The following GRM7 variants were observed in gnomAD, a reference collection of about 807,000 sequenced individuals.
GRM7 encodes the protein metabotropic glutamate receptor 7.
Under a neutral mutation model 84.5 loss-of-function variants are expected in GRM7, and 35 were observed. That is an observed-to-expected ratio of 0.41 (90% CI 0.32 to 0.55). GRM7 has a LOEUF of 0.55. Among genes scored for constraint, GRM7 ranks in the 20% least tolerant of loss-of-function variants. GRM7 has a pLI of 0.19. For missense variants in GRM7, 1,003 were observed against 1,194.6 expected, an observed-to-expected ratio of 0.84 and a Z score of 2.36; for synonymous variants, 487 against 455.1, an observed-to-expected ratio of 1.07 and a Z score of -0.89.
At chr3:7,094,103 A>C (rs1698770981) in intron 1 of GRM7, among the ~76,000 whole-genome samples, 1 of 152,174 alleles carries the variant, frequency 6.6e-6, no homozygotes, top group South Asian at 2.1e-4. Context: ...GCAGAGAATA[A>C]TGTAAATATG....
At chr3:7,645,440 G>A (rs539320992) in intron 8 of GRM7, among the ~76,000 whole-genome samples, 46 of 150,912 alleles carry the variant, frequency 3.0e-4, no homozygotes, top group African/African-American at 7.8e-4. Context: ...CCAGCTACTC[G>A]GGAGGCTAAG....
chr3:7,654,378 C>T (rs561516178), intron 8 of GRM7, among the ~76,000 whole-genome samples: 1 of 152,110 alleles, frequency 6.6e-6, no homozygotes, highest in African/African-American at 2.4e-5. Flanking sequence ...AGCCCCTGTG[C>T]TATCTCTATA....
chr3:7,062,573 T>C (rs986292710), intron 1 of GRM7, among the ~76,000 whole-genome samples: 5 of 151,866 alleles, frequency 3.3e-5, no homozygotes, highest in Non-Finnish European at 7.4e-5. Flanking sequence ...AGTTTGCCAT[T>C]TTGAAAAACT....
At chr3:7,373,598 G>A (rs964401668) in intron 4 of GRM7, among the ~76,000 whole-genome samples, 2 of 152,144 alleles carry the variant, frequency 1.3e-5, no homozygotes, top group African/African-American at 4.8e-5. Context: ...CTTGTTTTAA[G>A]GTGGAACTTT....
chr3:7,214,436 T>G (rs1349762023), intron 2 of GRM7, among the ~76,000 whole-genome samples: 1 of 152,222 alleles, frequency 6.6e-6, no homozygotes. Flanking sequence ...TTAGAGTTCA[T>G]CCTATTGGTT....
chr3:7,693,734 AC>A, intron 9 of GRM7: 1 of 1,147,208 alleles, frequency 8.7e-7, no homozygotes, highest in Non-Finnish European at 1.3e-6. Context: ...AAGCTTTGCT[AC>A]CCAGCCCACC....
intron 7 of GRM7, among the ~76,000 whole-genome samples, chr3:7,465,507 C>T (rs1698426964): frequency 6.6e-6 from 1 of 152,094 alleles, no homozygotes; most frequent in African/African-American, 2.4e-5. Flanking sequence ...AGCCCAGTTG[C>T]CCTATCCAAT....
chr3:7,719,351 C>T (rs756846606), intron 9 of GRM7, among the ~76,000 whole-genome samples: 5 of 152,118 alleles, frequency 3.3e-5, no homozygotes, highest in Non-Finnish European at 7.3e-5. Flanking sequence ...TGTGCCCCTG[C>T]GTTTTCTTTG....
intron 2 of GRM7, among the ~76,000 whole-genome samples, chr3:7,276,396 C>T (rs999804082): frequency 1.3e-5 from 2 of 151,640 alleles, no homozygotes; most frequent in African/African-American, 2.4e-5. Flanking sequence ...CCCTTGATAC[C>T]CTGATAAAAT....
At chr3:7,468,050 A>G (rs1486653105) in intron 7 of GRM7, among the ~76,000 whole-genome samples, 2 of 152,238 alleles carry the variant, frequency 1.3e-5, no homozygotes, top group South Asian at 2.1e-4. Flanking sequence ...GTTTAATACA[A>G]TTAAATGTTT....
chr3:6,864,126 T>C (rs988712257), intron 1 of GRM7, among the ~76,000 whole-genome samples: 2 of 152,192 alleles, frequency 1.3e-5, no homozygotes, highest in African/African-American at 4.8e-5. Flanking sequence ...GAGAAAACAC[T>C]GTCATTTTCC....
chr3:7,438,089 TA>T (rs1177259890), intron 5 of GRM7, among the ~76,000 whole-genome samples: 2 of 151,894 alleles, frequency 1.3e-5, no homozygotes, highest in Non-Finnish European at 2.9e-5. Flanking sequence ...GATTTCCAAG[TA>T]AATGAAGTGG....
At chr3:7,313,021 C>T (rs186737701) in intron 4 of GRM7, among the ~76,000 whole-genome samples, 24 of 151,162 alleles carry the variant, frequency 1.6e-4, no homozygotes, top group Admixed American at 8.6e-4. Context: ...CTCCATCTCC[C>T]GGGTTCAAAC....
chr3:6,962,053 T>C (rs568542140), intron 1 of GRM7, among the ~76,000 whole-genome samples: 28 of 152,300 alleles, frequency 1.8e-4, no homozygotes, highest in African/African-American at 6.7e-4. Flanking sequence ...GCAACTGAGG[T>C]TTCATCTCCA....
chr3:7,299,153 AG>A (rs1699912521), intron 3 of GRM7, among the ~76,000 whole-genome samples: 1 of 152,226 alleles, frequency 6.6e-6, no homozygotes. Flanking sequence ...TTAATGTAAA[AG>A]AAAAATGTCT....
At chr3:7,452,451 C>G (rs374367590) in intron 5 of GRM7, among the ~76,000 whole-genome samples, 156 bp from the exon 6 acceptor site, 1 of 152,054 alleles carries the variant, frequency 6.6e-6, no homozygotes, top group Non-Finnish European at 1.5e-5. Context: ...CTGGCTATCA[C>G]GTGGTAGGCA....
intron 1 of GRM7, among the ~76,000 whole-genome samples, chr3:7,124,139 G>GT (rs1329431273): frequency 6.6e-6 from 1 of 151,862 alleles, no homozygotes; most frequent in Non-Finnish European, 1.5e-5. Context: ...TTTTATGTTT[G>GT]TTTTTTTCCT....
At position 7,189,830 on chromosome 3, in the gene GRM7, C is replaced by G. The variant is rs1036193293; in HGVS notation, c.736+43162C>G. Among the ~76,000 whole-genome samples, 43 of 152,018 alleles carry G rather than the reference C, an allele frequency of 2.8e-4. 1 individual carries two copies. Among genetic ancestry groups the G allele is most frequent in the Admixed American group, 2.5e-3 (38 of 15,258 alleles). ...CAAACATAAAGCATCATAGAGATGT[C>G]ACATTGCAACATGAGGAATAGTTAT... On this transcript the variant is annotated intron_variant, in intron 2 of 9. Coordinates refer to ENST00000357716, the MANE Select transcript of GRM7 (RefSeq NM_000844.4).
At chr3:7,393,253 G>A (rs2125145441) in intron 4 of GRM7, among the ~76,000 whole-genome samples, 1 of 152,260 alleles carries the variant, frequency 6.6e-6, no homozygotes, top group Non-Finnish European at 1.5e-5. Context: ...CTCTCAAAAT[G>A]GCTCCCAGCT....
Sources: allele counts gnomAD v4.1 joint callset (sites outside exome capture counted in the v4.1 genomes callset), GRCh38; gene constraint gnomAD v4.1.1; transcripts MANE v1.5; gene names NCBI Gene and HGNC (gene_info 2026-07-23, HGNC 2026-07-21).